TMEM117: variants seen among roughly 807,000 people sequenced by gnomAD.
TMEM117 encodes transmembrane protein 117.
In TMEM117, 27 loss-of-function variants were observed where a neutral mutation model predicts 52.4. That is an observed-to-expected ratio of 0.51 (90% confidence interval 0.38 to 0.71). The LOEUF is 0.71. Ranked by LOEUF, TMEM117 falls within the 30% of genes least tolerant of loss-of-function variation. The probability of loss-of-function intolerance (pLI) is 0.00; values close to 1 mark genes in which losing one functional copy is unlikely to be tolerated. For missense variants in TMEM117, 556 were observed against 630.5 expected, an observed-to-expected ratio of 0.88 and a Z score of 1.26; for synonymous variants, 215 against 206.3, an observed-to-expected ratio of 1.04 and a Z score of -0.36.
chr12:44,033,709 C>T (rs898268860), intron 3 of TMEM117, among the ~76,000 whole-genome samples: 25 of 152,176 alleles, frequency 1.6e-4, no homozygotes, highest in Non-Finnish European at 3.5e-4. Flanking sequence ...TAGAAAAAAT[C>T]TTCTAAGTGT....
At chr12:44,039,567 G>A (rs564751552) in intron 3 of TMEM117, among the ~76,000 whole-genome samples, 31 of 151,946 alleles carry the variant, frequency 2.0e-4, no homozygotes, top group African/African-American at 6.7e-4. Flanking sequence ...AGATAAATTT[G>A]TGATAAAGTT....
chr12:43,897,650 C>G (rs1944229310), intron 2 of TMEM117, among the ~76,000 whole-genome samples: 1 of 151,580 alleles, frequency 6.6e-6, no homozygotes. Flanking sequence ...CTCTGTTTCC[C>G]AGGCTGGAGT....
intron 2 of TMEM117, among the ~76,000 whole-genome samples, chr12:43,870,274 T>G (rs1029211746): frequency 1.3e-5 from 2 of 151,932 alleles, no homozygotes; most frequent in African/African-American, 4.8e-5. Flanking sequence ...TTTTTTTTCT[T>G]TTTTGAGATG....
At chr12:43,952,725 A>G (rs1010722096) in intron 3 of TMEM117, among the ~76,000 whole-genome samples, 3 of 152,226 alleles carry the variant, frequency 2.0e-5, no homozygotes, top group Non-Finnish European at 4.4e-5. Context: ...ACACTTCAGG[A>G]TATCATCCAG....
At chr12:44,114,890 T>G (rs1340979785) in intron 3 of TMEM117, among the ~76,000 whole-genome samples, 1 of 152,234 alleles carries the variant, frequency 6.6e-6, no homozygotes, top group Non-Finnish European at 1.5e-5. Context: ...TCTAGTTTGG[T>G]GTTTTTAAAG....
chr12:44,287,593 A>G (rs1950653486), intron 5 of TMEM117, among the ~76,000 whole-genome samples: 1 of 152,160 alleles, frequency 6.6e-6, no homozygotes. Flanking sequence ...AATGTTAAGT[A>G]CTTCTGGATG....
chr12:44,238,995 A>G (rs1055889541), intron 5 of TMEM117, among the ~76,000 whole-genome samples: 19 of 152,078 alleles, frequency 1.2e-4, no homozygotes, highest in Non-Finnish European at 2.5e-4. Flanking sequence ...CACATTGTGC[A>G]TTTAAATTGA....
intron 3 of TMEM117, among the ~76,000 whole-genome samples, chr12:44,082,811 G>A (rs1947503788): frequency 6.6e-6 from 1 of 151,928 alleles, no homozygotes; most frequent in Non-Finnish European, 1.5e-5. Flanking sequence ...TTCACAAATA[G>A]TGATTATTTT....
chr12:44,000,550 G>A (rs893258190), intron 3 of TMEM117, among the ~76,000 whole-genome samples: 2 of 152,088 alleles, frequency 1.3e-5, no homozygotes, highest in Admixed American at 6.6e-5. Context: ...ACTAGAGGGA[G>A]CCCCAACTTT....
intron 1 of TMEM117, among the ~76,000 whole-genome samples, chr12:43,843,481 C>T (rs1943148988): frequency 6.6e-6 from 1 of 152,170 alleles, no homozygotes; most frequent in African/African-American, 2.4e-5. Context: ...GAAGGAGGAG[C>T]TAAGCAAGAC....
chr12:43,983,208 C>T (rs775270486), intron 3 of TMEM117, among the ~76,000 whole-genome samples: 5 of 152,126 alleles, frequency 3.3e-5, no homozygotes, highest in Non-Finnish European at 4.4e-5. Context: ...CTCTGGTAGG[C>T]TTTGCAGGTT....
chr12:44,231,729 A>C (rs1949935482), intron 5 of TMEM117, among the ~76,000 whole-genome samples: 1 of 151,812 alleles, frequency 6.6e-6, no homozygotes, highest in South Asian at 2.1e-4. Flanking sequence ...TTGACCATTA[A>C]AAATCTTTGT....
intron 3 of TMEM117, among the ~76,000 whole-genome samples, chr12:44,093,307 T>G (rs1419191256): frequency 6.6e-6 from 1 of 152,140 alleles, no homozygotes; most frequent in Non-Finnish European, 1.5e-5. Context: ...CTCTCTAACT[T>G]TGTTATTTCT....
At chr12:44,259,587 T>C (rs1322880064) in intron 5 of TMEM117, among the ~76,000 whole-genome samples, 2 of 152,144 alleles carry the variant, frequency 1.3e-5, no homozygotes, top group Admixed American at 6.6e-5. Flanking sequence ...TACACAAGAC[T>C]TCTCCAACCT....
the TMEM117 span, among the ~76,000 whole-genome samples, chr12:43,815,620 C>T: frequency 3.6e-4 from 55 of 152,326 alleles, no homozygotes; most frequent in South Asian, 1.9e-3. Context: ...TGTCAGGTAG[C>T]ATACAAGGTG....
chr12:44,022,352 A>T (rs995118713), intron 3 of TMEM117, among the ~76,000 whole-genome samples: 1 of 152,202 alleles, frequency 6.6e-6, no homozygotes, highest in Non-Finnish European at 1.5e-5. Context: ...TGTAATTAAG[A>T]GAGTGAACTC....
intron 6 of TMEM117, among the ~76,000 whole-genome samples, chr12:44,306,126 A>G (rs1950900077): frequency 6.6e-6 from 1 of 152,268 alleles, no homozygotes; most frequent in South Asian, 2.1e-4. Flanking sequence ...ACTACTGGAG[A>G]GGGTAGAAGG....
At chr12:43,928,473 T>C (rs988112483) in intron 2 of TMEM117, among the ~76,000 whole-genome samples, 29 of 152,248 alleles carry the variant, frequency 1.9e-4, no homozygotes, top group Non-Finnish European at 3.4e-4. Context: ...TTTGTTTTTT[T>C]CATTTTTAAA....
At chr12:44,211,901 C>A (rs1949650531) in intron 5 of TMEM117, among the ~76,000 whole-genome samples, 1 of 152,134 alleles carries the variant, frequency 6.6e-6, no homozygotes, top group Non-Finnish European at 1.5e-5. Flanking sequence ...TGTGAAGTCA[C>A]CATTATTTAT....
Sources: allele counts gnomAD v4.1 joint callset (sites outside exome capture counted in the v4.1 genomes callset), GRCh38; gene constraint gnomAD v4.1.1; transcripts MANE v1.5; gene names NCBI Gene and HGNC (gene_info 2026-07-23, HGNC 2026-07-21).